The following PHACTR4 variants were observed in gnomAD, a reference collection of about 807,000 sequenced individuals.
PHACTR4 encodes the protein protein phosphatase 1, regulatory subunit 124.
A neutral mutation model predicts 72.7 loss-of-function variants in PHACTR4; 51 were observed. That is an observed-to-expected ratio of 0.70 (90% CI 0.56 to 0.89). PHACTR4 has a LOEUF of 0.89. PHACTR4 is among the 40% of genes least tolerant of loss of function. The probability of loss-of-function intolerance (pLI) is 0.00; values close to 1 mark genes in which losing one functional copy is unlikely to be tolerated. For missense variants in PHACTR4, 731 were observed against 861.8 expected, an observed-to-expected ratio of 0.85 and a Z score of 1.90; for synonymous variants, 255 against 302.5, an observed-to-expected ratio of 0.84 and a Z score of 1.63.
At position 28,480,448 on chromosome 1, in the gene PHACTR4, A is replaced by G; in HGVS notation, c.1607-3A>G. On this transcript the variant is annotated splice_region_variant and splice_polypyrimidine_tract_variant and intron_variant, in intron 8 of 13. Transcript: ENST00000373839. The stretch of plus-strand genomic sequence containing the variant: ...TACATTTTTTTCTTCCCCGTGTGCA[A>G]AGGTGCTCTCGCCAACAAAGTGAAG... 1.9e-6 allele frequency: 3 copies of G among 1,613,758 alleles called. No homozygotes were observed. Among genetic ancestry groups the G allele is most frequent in the Non-Finnish European group, 2.5e-6 (3 of 1,179,820 alleles).
intron 3 of PHACTR4, 50 bp from the exon 4 acceptor site, chr1:28,460,162 T>A (rs1658694652): frequency 7.7e-7 from 1 of 1,293,700 alleles, no homozygotes; most frequent in South Asian, 1.2e-5. Context: ...AGTGTAAGGT[T>A]GACTTTCAAC....
intron 2 of PHACTR4, among the ~76,000 whole-genome samples, chr1:28,408,829 C>A (rs1181961251): frequency 1.4e-5 from 2 of 147,942 alleles, no homozygotes; most frequent in Admixed American, 6.7e-5. Context: ...GTGTGCACCC[C>A]TATGCCCGAC....
rs1466235192 is a variant in PHACTR4, at chr1:28,486,081, G to A, written c.1761-3089G>A. 2.6e-5 allele frequency among the ~76,000 whole-genome samples: 4 copies of A among 152,228 alleles called. No homozygotes were observed. In the South Asian group the frequency reaches 6.2e-4, roughly 24 times the overall value. ...CAATTTAAAAGACTGACAAGGCCGG[G>A]TGTGGTGGCTCACCCCTGTAATCCC... On this transcript the variant is annotated intron_variant, in intron 9 of 13. Transcript: ENST00000373839.
At chr1:28,483,908 G>A (rs1660456997) in intron 9 of PHACTR4, among the ~76,000 whole-genome samples, 1 of 151,950 alleles carries the variant, frequency 6.6e-6, no homozygotes, top group Non-Finnish European at 1.5e-5. Context: ...AAATATTTTA[G>A]GATAGGGTGC....
chr1:28,472,779 A>ATT (rs771078982), intron 6 of PHACTR4, among the ~76,000 whole-genome samples: 5 of 127,588 alleles, frequency 3.9e-5, no homozygotes, highest in African/African-American at 5.8e-5. Context: ...AATTTTTGTA[A>ATT]TTTTTTTTTT....
rs754068840 is a variant in PHACTR4 at position 28,465,871 on chromosome 1, A to C, written c.436+22A>C. ...CTAGGTAAGAAACTCTGGATTTTTG[A>C]GTTTAAGAGCCACGGGCCAGTTATT... On this transcript the variant is annotated intron_variant, in intron 5 of 13. Transcript: ENST00000373839. 16 of 1,594,136 alleles carry C rather than the reference A, an allele frequency of 1.0e-5. No individual in the cohort carries two copies. In the Middle Eastern group the frequency reaches 5.1e-4, roughly 50 times the overall value.
chr1:28,375,620 A>G (rs1651595843), intron 1 of PHACTR4, among the ~76,000 whole-genome samples: 1 of 152,156 alleles, frequency 6.6e-6, no homozygotes, highest in Admixed American at 6.6e-5. Context: ...CCACGGTTTG[A>G]GGCTGCAGTG....
intron 1 of PHACTR4, among the ~76,000 whole-genome samples, chr1:28,381,302 CTT>C (rs55790699): frequency 1.0e-3 from 112 of 111,968 alleles, no homozygotes; most frequent in African/African-American, 2.7e-3. Flanking sequence ...TGCGCCTGGC[CTT>C]TTTTTTTTTT....
intron 13 of PHACTR4, among the ~76,000 whole-genome samples, chr1:28,495,368 G>A (rs777374207): frequency 5.3e-5 from 8 of 151,482 alleles, no homozygotes; most frequent in Admixed American, 6.6e-5. Flanking sequence ...TTGGCCTCCC[G>A]AAGTGTTGGG....
chr1:28,453,217 G>A (rs1387397278), intron 2 of PHACTR4, among the ~76,000 whole-genome samples: 1 of 152,176 alleles, frequency 6.6e-6, no homozygotes, highest in Non-Finnish European at 1.5e-5. Flanking sequence ...ATTGAAGTGA[G>A]CTCAAGTATT....
chr1:28,466,288 G>A, intron 5 of PHACTR4, 94 bp from the exon 6 acceptor site: 1 of 1,352,864 alleles, frequency 7.4e-7, no homozygotes, highest in Non-Finnish European at 1.0e-6. Context: ...AAATTAATTG[G>A]TGAAATTGGC....
intron 8 of PHACTR4, 52 bp downstream of exon 8, chr1:28,476,343 A>G: frequency 1.3e-6 from 2 of 1,496,786 alleles, no homozygotes; most frequent in African/African-American, 1.4e-5. Flanking sequence ...AGATAAAACT[A>G]TTTGCTGATC....
chr1:28,449,919 AATAT>A (rs1657817799), intron 2 of PHACTR4, among the ~76,000 whole-genome samples: 1 of 152,056 alleles, frequency 6.6e-6, no homozygotes, highest in Admixed American at 6.6e-5. Flanking sequence ...ACTTCAATTA[AATAT>A]TTACTAGGAA....
rs369520897 is a variant in PHACTR4, at chr1:28,460,225, A to C, written c.204A>C (p.Lys68Asn). 1 of 1,613,358 alleles carries C rather than the reference A, an allele frequency of 6.2e-7. No individual in the cohort carries two copies. The highest frequency in any genetic ancestry group is 2.2e-5 in the East Asian group (1 of 44,842). Residue 68 changes from lysine to asparagine, a missense_variant, in exon 4 of 14, where the codon AAA (lysine) becomes AAC (asparagine). Around this residue, in one of 2 missense-constraint regions of PHACTR4, gnomAD observed 621 missense variants for 676.6 expected, o/e 0.92. Coordinates refer to ENST00000373839, the MANE Select transcript of PHACTR4 (RefSeq NM_001048183.3). ...FKETSEVLER[K>N]ISMRKPREEL... ...ATTTAATGTTAGTTTTAGAACGGAA[A>C]ATATCTATGCGAAAGCCAAGAGAAG...
chr1:28,371,061 G>A (rs1651209810), intron 1 of PHACTR4, among the ~76,000 whole-genome samples: 1 of 152,186 alleles, frequency 6.6e-6, no homozygotes, highest in Non-Finnish European at 1.5e-5. Context: ...AACTGTGTAT[G>A]TCCTCCTGTT....
At chr1:28,476,389 C>G in intron 8 of PHACTR4, 98 bp downstream of exon 8, 7 of 1,257,190 alleles carry the variant, frequency 5.6e-6, no homozygotes, top group Non-Finnish European at 6.4e-6. Context: ...AAACAGGTAC[C>G]TTCTCCCATT....
intron 4 of PHACTR4, among the ~76,000 whole-genome samples, chr1:28,462,509 A>G (rs1658886455): frequency 6.6e-6 from 1 of 152,062 alleles, no homozygotes; most frequent in African/African-American, 2.4e-5. Flanking sequence ...CTGGAATTAT[A>G]GGCATGCATC....
chr1:28,432,186 G>C (rs1656311733), intron 2 of PHACTR4, among the ~76,000 whole-genome samples: 2 of 152,122 alleles, frequency 1.3e-5, no homozygotes. Context: ...TCCAGCCCAG[G>C]TGACAGAGCG....
chr1:28,472,688 G>A (rs1388109820), intron 6 of PHACTR4, among the ~76,000 whole-genome samples: 3 of 150,992 alleles, frequency 2.0e-5, no homozygotes, highest in Admixed American at 1.3e-4. Context: ...TGCAGCCTCC[G>A]CCTCCCAGGT....
Sources: gnomAD v4.1 joint callset for allele counts (sites outside exome capture counted in the v4.1 genomes callset) on GRCh38, gnomAD v4.1.1 for gene constraint, gnomAD v4.1.1 regional missense constraint, MANE v1.5 for transcripts, NCBI Gene and HGNC (gene_info 2026-07-23, HGNC 2026-07-21) for gene names.